C10orf90: variants seen among roughly 807,000 people sequenced by gnomAD.
The protein encoded by C10orf90 is (E2-independent) E3 ubiquitin-conjugating enzyme FATS.
Under a neutral mutation model 62.5 loss-of-function variants are expected in C10orf90, and 56 were observed. The ratio of observed to expected loss-of-function variants is 0.90; its 90% CI spans 0.72 to 1.12. The LOEUF (loss-of-function observed/expected upper bound fraction) is 1.12. Among genes scored for constraint, C10orf90 ranks in the 50% most tolerant of loss-of-function variants. The pLI, the probability that C10orf90 is intolerant of heterozygous loss-of-function variation, is 0.00. For missense variants in C10orf90, 970 were observed against 880.4 expected (o/e 1.10, Z -1.29); for synonymous variants, 386 against 340.4 (o/e 1.13, Z -1.47).
intron 2 of C10orf90, among the ~76,000 whole-genome samples, chr10:126,611,289 T>C (rs1845428061): frequency 6.6e-6 from 1 of 152,244 alleles, no homozygotes; most frequent in Non-Finnish European, 1.5e-5. Flanking sequence ...CTTAGCATAA[T>C]GTACTCAAGA....
intron 2 of C10orf90, among the ~76,000 whole-genome samples, chr10:126,560,578 C>T (rs1864878706): frequency 6.6e-6 from 1 of 152,138 alleles, no homozygotes; most frequent in South Asian, 2.1e-4. Flanking sequence ...GAAAATGTAA[C>T]CCTACTAAGA....
At chr10:126,556,990 GT>G (rs1156730647) in intron 2 of C10orf90, among the ~76,000 whole-genome samples, 1 of 140,636 alleles carries the variant, frequency 7.1e-6, no homozygotes, top group Non-Finnish European at 1.5e-5. Context: ...AGTAATCGTG[GT>G]TTTTGCAATT....
intron 2 of C10orf90, among the ~76,000 whole-genome samples, chr10:126,544,738 G>A (rs748581879): frequency 7.2e-5 from 11 of 152,220 alleles, no homozygotes; most frequent in Non-Finnish European, 1.0e-4. Flanking sequence ...GTGAATAATC[G>A]CATAATTCAT....
chr10:126,588,162 G>A (rs1844910349), intron 2 of C10orf90, among the ~76,000 whole-genome samples: 1 of 152,220 alleles, frequency 6.6e-6, no homozygotes, highest in African/African-American at 2.4e-5. Context: ...TGCCGGCTCT[G>A]GGGAGTCCAG....
chr10:126,437,459 C>G (rs898036674), intron 7 of C10orf90, among the ~76,000 whole-genome samples: 14 of 152,048 alleles, frequency 9.2e-5, no homozygotes, highest in African/African-American at 3.1e-4. Context: ...GATTCTGACC[C>G]CTGCTTGGGT....
At chr10:126,534,418 T>C (rs1232520617) in intron 2 of C10orf90, among the ~76,000 whole-genome samples, 1 of 152,196 alleles carries the variant, frequency 6.6e-6, no homozygotes, top group African/African-American at 2.4e-5. Flanking sequence ...GCCTCTGCTC[T>C]TAGAGTTGTA....
At chr10:126,565,147 A>T (rs866416921) in intron 2 of C10orf90, among the ~76,000 whole-genome samples, 307 of 18,598 alleles carry the variant, frequency 0.017, 69 homozygotes, top group Non-Finnish European at 0.019. Context: ...ATAATATTAA[A>T]TATGTAATAT....
intron 4 of C10orf90, among the ~76,000 whole-genome samples, chr10:126,493,726 C>T (rs1861886521): frequency 6.6e-6 from 1 of 152,108 alleles, no homozygotes; most frequent in East Asian, 1.9e-4. Context: ...AAACTGATTC[C>T]ATTTAAATTC....
intron 2 of C10orf90, among the ~76,000 whole-genome samples, chr10:126,564,501 G>A (rs570119340): frequency 6.6e-6 from 1 of 151,650 alleles, no homozygotes; most frequent in Non-Finnish European, 1.5e-5. Context: ...TGTAGCCCGA[G>A]TCCCTGGAGT....
intron 2 of C10orf90, among the ~76,000 whole-genome samples, chr10:126,643,327 C>T (rs1336943213): frequency 6.6e-6 from 1 of 152,214 alleles, no homozygotes; most frequent in Non-Finnish European, 1.5e-5. Context: ...TTCCCCATTC[C>T]TGCATGGGGA....
chr10:126,610,328 G>A (rs893981885), intron 2 of C10orf90, among the ~76,000 whole-genome samples: 11 of 152,322 alleles, frequency 7.2e-5, no homozygotes, highest in Admixed American at 3.3e-4. Context: ...ACCCTCTACC[G>A]TCTATAACCT....
Position 126,481,039 on chromosome 10 carries a change from C to T in C10orf90, c.1535-16053G>A, listed in dbSNP as rs578231221. Among the ~76,000 whole-genome samples, 4 of 152,360 alleles carry T rather than the reference C, an allele frequency of 2.6e-5. No individual in the cohort carries two copies. The East Asian group carries it at 7.7e-4, about 29-fold the overall frequency. On this transcript the variant is annotated intron_variant, in intron 4 of 9. Coordinates refer to ENST00000488181, the MANE Select transcript of C10orf90 (RefSeq NM_001350921.2). ...TCTGCAGTCCCACTGGTCTTGGTCTCATCCCTTGAATGTGCCAGCTTCATT... is the reference window on the plus strand; with the variant it reads ...TCTGCAGTCCCACTGGTCTTGGTCTTATCCCTTGAATGTGCCAGCTTCATT...
At chr10:126,564,551 A>G (rs185978246) in intron 2 of C10orf90, among the ~76,000 whole-genome samples, 322 of 151,534 alleles carry the variant, frequency 2.1e-3, no homozygotes, top group Admixed American at 9.1e-3. Flanking sequence ...CTTGCCTTCA[A>G]CAGCAAAGAA....
At chr10:126,581,076 C>T (rs538067898) in intron 2 of C10orf90, among the ~76,000 whole-genome samples, 11 of 152,340 alleles carry the variant, frequency 7.2e-5, no homozygotes, top group African/African-American at 1.9e-4. Flanking sequence ...CTCGCTTAGA[C>T]TAGCCGCCGT....
chr10:126,580,570 G>A (rs1247044922), intron 2 of C10orf90, among the ~76,000 whole-genome samples: 6 of 151,444 alleles, frequency 4.0e-5, no homozygotes, highest in East Asian at 3.9e-4. Context: ...GGAGAATGGC[G>A]TGAACCTGGG....
At chr10:126,555,045 G>A (rs576163072) in intron 2 of C10orf90, among the ~76,000 whole-genome samples, 36 of 152,196 alleles carry the variant, frequency 2.4e-4, no homozygotes, top group African/African-American at 7.5e-4. Flanking sequence ...ATCTGATTGC[G>A]GTCCACACAA....
intron 2 of C10orf90, chr10:126,523,623 T>C (rs927472946): frequency 2.6e-5 from 4 of 152,372 alleles, no homozygotes; most frequent in Non-Finnish European, 5.9e-5. Context: ...TTTCTAAGTG[T>C]GCAGCGGTAT....
rs776502381 is a variant in C10orf90, at chr10:126,461,589, GGA to G, written c.1826-6_1826-5del. On this transcript the variant is annotated splice_region_variant and splice_polypyrimidine_tract_variant and intron_variant, in intron 5 of 9. Transcript: ENST00000488181. The stretch of plus-strand genomic sequence containing the variant: ...AAGTCACAGCATGTGTAATCTCCTA[GGA>G]GAGAAGATTTAGAATCCCATTTAGA... The G allele has an allele frequency of 6.2e-7, 1 of 1,611,078 alleles. No homozygotes were observed. Among genetic ancestry groups the G allele is most frequent in the Middle Eastern group, 1.7e-4 (1 of 5,980 alleles).
chr10:126,650,222 G>T (rs189875633), intron 1 of C10orf90, among the ~76,000 whole-genome samples: 1 of 152,296 alleles, frequency 6.6e-6, no homozygotes, highest in East Asian at 1.9e-4. Flanking sequence ...TGATCATTAA[G>T]TGACTCCTAA....
Sources: gnomAD v4.1 joint callset for allele counts (sites outside exome capture counted in the v4.1 genomes callset) on GRCh38, gnomAD v4.1.1 for gene constraint, MANE v1.5 for transcripts, NCBI Gene and HGNC (gene_info 2026-07-23, HGNC 2026-07-21) for gene names.